The following TMEM117 variants were observed in gnomAD, a reference collection of about 807,000 sequenced individuals.
The protein encoded by TMEM117 is transmembrane protein 117.
TMEM117 carries 27 observed loss-of-function variants against 52.4 expected under a neutral mutation model. The observed-to-expected ratio is 0.51, with a 90% CI of 0.38 to 0.71. The LOEUF (loss-of-function observed/expected upper bound fraction) is 0.71. TMEM117 is among the 30% of genes least tolerant of loss of function. The pLI, the probability that TMEM117 is intolerant of heterozygous loss-of-function variation, is 0.00. For synonymous variants in TMEM117, 215 were observed against 206.3 expected, an observed-to-expected ratio of 1.04 and a Z score of -0.36; for missense variants, 556 against 630.5, an observed-to-expected ratio of 0.88 and a Z score of 1.26.
At chr12:44,225,539 T>C (rs1949849682) in intron 5 of TMEM117, among the ~76,000 whole-genome samples, 1 of 152,210 alleles carries the variant, frequency 6.6e-6, no homozygotes, top group African/African-American at 2.4e-5. Flanking sequence ...TATAGAATCA[T>C]ATAATCTGAA....
intron 3 of TMEM117, among the ~76,000 whole-genome samples, chr12:44,039,625 T>A (rs759961417): frequency 6.6e-6 from 1 of 151,970 alleles, no homozygotes; most frequent in African/African-American, 2.4e-5. Context: ...AGATTAAAAT[T>A]CCCCAAATTT....
chr12:43,947,083 C>G (rs1444094701), intron 3 of TMEM117, among the ~76,000 whole-genome samples: 2 of 152,164 alleles, frequency 1.3e-5, no homozygotes, highest in African/African-American at 4.8e-5. Flanking sequence ...CCTATAATCC[C>G]AGTGCTTTGG....
intron 7 of TMEM117, among the ~76,000 whole-genome samples, chr12:44,385,664 C>G (rs1188283827): frequency 1.3e-5 from 2 of 152,274 alleles, no homozygotes; most frequent in East Asian, 1.9e-4. Context: ...ACCTCTTCCC[C>G]CACCATCTGG....
At chr12:43,800,877 A>G in the TMEM117 span, among the ~76,000 whole-genome samples, 1 of 151,978 alleles carries the variant, frequency 6.6e-6, no homozygotes, top group Admixed American at 6.6e-5. Context: ...CAGCCTCCCG[A>G]GTAGCTGGGA....
Position 43,966,308 on chromosome 12 carries a change from CAAAACCCAAT to C in TMEM117, c.410+21972_410+21981del, listed in dbSNP as rs368244693. The stretch of plus-strand genomic sequence containing the variant: ...GTTCCACTCTTTAAAATTCCTGAAA[CAAAACCCAAT>C]AAAACTATAACATAAATAAATTAAA... On this transcript the variant is annotated intron_variant, in intron 3 of 7. Transcript: ENST00000266534. Among the ~76,000 whole-genome samples, 599 of 152,180 alleles carry C rather than the reference CAAAACCCAAT, an allele frequency of 3.9e-3. 5 individuals are homozygous for C. Among genetic ancestry groups the C allele is most frequent in the African/African-American group, 0.014 (564 of 41,528 alleles).
chr12:44,184,791 C>A (rs1196686837), intron 4 of TMEM117, among the ~76,000 whole-genome samples: 1 of 152,192 alleles, frequency 6.6e-6, no homozygotes, highest in African/African-American at 2.4e-5. Context: ...ACCTCATTTT[C>A]TGACTACACA....
intron 3 of TMEM117, among the ~76,000 whole-genome samples, chr12:44,012,920 C>G (rs10748390): frequency 0.67 from 101,832 of 151,982 alleles, 35,565 homozygotes; most frequent in East Asian, 0.88. Flanking sequence ...AAGAAGTGCA[C>G]TAAATAGGCC....
intron 4 of TMEM117, among the ~76,000 whole-genome samples, chr12:44,209,181 G>A (rs952767867): frequency 1.6e-4 from 24 of 152,236 alleles, no homozygotes; most frequent in African/African-American, 5.8e-4. Flanking sequence ...CTCTAGAGAA[G>A]TTACGATATA....
chr12:43,910,217 C>A (rs1944472311), intron 2 of TMEM117, among the ~76,000 whole-genome samples: 1 of 151,766 alleles, frequency 6.6e-6, no homozygotes, highest in African/African-American at 2.4e-5. Flanking sequence ...TGTAATCCAG[C>A]ATATAAGCAG....
At chr12:43,872,072 C>A (rs1943715460) in intron 2 of TMEM117, among the ~76,000 whole-genome samples, 1 of 152,052 alleles carries the variant, frequency 6.6e-6, no homozygotes. Context: ...TCCTTTTTTA[C>A]TTTTTAATTT....
At chr12:44,271,653 A>G (rs1462287230) in intron 5 of TMEM117, among the ~76,000 whole-genome samples, 1 of 152,050 alleles carries the variant, frequency 6.6e-6, no homozygotes, top group African/African-American at 2.4e-5. Context: ...AAACTACTAG[A>G]AGAAAACATA....
intron 3 of TMEM117, among the ~76,000 whole-genome samples, chr12:43,976,057 C>A (rs1357858668): frequency 6.6e-6 from 1 of 152,048 alleles, no homozygotes; most frequent in Non-Finnish European, 1.5e-5. Context: ...CTTGAAAGTA[C>A]CAGGACTAAA....
intron 3 of TMEM117, among the ~76,000 whole-genome samples, chr12:43,978,928 C>T (rs1945716381): frequency 6.6e-6 from 1 of 151,024 alleles, no homozygotes; most frequent in Non-Finnish European, 1.5e-5. Context: ...GTAGGAAAAA[C>T]AAACAATTGG....
rs191962927 is a variant in TMEM117 at position 44,003,298 on chromosome 12, C to T, written c.410+58956C>T. On this transcript the variant is annotated intron_variant, in intron 3 of 7. Coordinates refer to ENST00000266534, the MANE Select transcript of TMEM117 (RefSeq NM_032256.3). ...CCATGGGTAGAAGCCATGTCATTGT[C>T]TGCTGGGAGGGAAAGATGGAGACCT... Among the ~76,000 whole-genome samples the T allele has an allele frequency of 6.3e-3, 962 of 152,296 alleles. 15 individuals are homozygous for T. Among genetic ancestry groups the T allele is most frequent in the Admixed American group, 0.026 (398 of 15,286 alleles).
In TMEM117 at chr12:44,299,617, G is replaced by A; in HGVS notation, c.646G>A (p.Val216Met). 6.2e-7 allele frequency: 1 copy of A among 1,614,202 alleles called. No individual in the cohort carries two copies. Among genetic ancestry groups the A allele is most frequent in the Non-Finnish European group, 8.5e-7 (1 of 1,180,022 alleles). The change falls in exon 6 of 8, where the codon GTG (valine) becomes ATG (methionine). Residue 216 changes from valine to methionine, a missense_variant. Physicochemically the swap from Val to Met is conservative, Grantham distance 21 (BLOSUM62 1). This residue lies in a region of TMEM117 where 328 missense variants were observed against 371.4 expected (regional missense o/e 0.88). Coordinates refer to ENST00000266534, the MANE Select transcript of TMEM117 (RefSeq NM_032256.3). ...TACTCTGACGTCTGTGGTTGTACTTGTGATTACAACGGACTGGATCAGCTG... is the reference window on the plus strand; with the variant it reads ...TACTCTGACGTCTGTGGTTGTACTTATGATTACAACGGACTGGATCAGCTG... ...LFTLTSVVVL[V>M]ITTDWISWDK...
chr12:43,946,391 TTTTGTTTG>T (rs1171556775), intron 3 of TMEM117, among the ~76,000 whole-genome samples: 2 of 24,930 alleles, frequency 8.0e-5, no homozygotes, highest in Non-Finnish European at 1.9e-4. Context: ...TTTTTTTTTT[TTTTGTTTG>T]TTTTTTTATC....
intron 3 of TMEM117, among the ~76,000 whole-genome samples, chr12:44,066,945 C>T (rs1368739425): frequency 1.3e-5 from 2 of 152,212 alleles, no homozygotes; most frequent in African/African-American, 4.8e-5. Context: ...AGTCAGTTCT[C>T]TCAAATTCTG....
At chr12:43,952,799 A>G (rs979839261) in intron 3 of TMEM117, among the ~76,000 whole-genome samples, 2 of 152,122 alleles carry the variant, frequency 1.3e-5, no homozygotes, top group Non-Finnish European at 1.5e-5. Flanking sequence ...GAGAACCTCA[A>G]TAAGATACTC....
At chr12:44,377,125 C>A (rs1419560072) in intron 7 of TMEM117, among the ~76,000 whole-genome samples, 1 of 152,142 alleles carries the variant, frequency 6.6e-6, no homozygotes, top group African/African-American at 2.4e-5. Flanking sequence ...AGCTGAGCAG[C>A]CACTTCTGGT....
Sources: gnomAD v4.1 joint callset for allele counts (sites outside exome capture counted in the v4.1 genomes callset) on GRCh38, gnomAD v4.1.1 for gene constraint, gnomAD v4.1.1 regional missense constraint, MANE v1.5 for transcripts, NCBI Gene and HGNC (gene_info 2026-07-23, HGNC 2026-07-21) for gene names.